Variants in STAG1 observed in about 807,000 individuals in gnomAD.
STAG1 encodes the protein STAG1 cohesin complex component.
STAG1 carries 26 observed loss-of-function variants against 170.9 expected under a neutral mutation model. The observed-to-expected ratio is 0.15, with a 90% CI of 0.11 to 0.21. The LOEUF (loss-of-function observed/expected upper bound fraction) is 0.21. Among genes scored for constraint, STAG1 ranks in the 10% least tolerant of loss-of-function variants. STAG1 has a pLI of 1.00. For missense variants in STAG1, 964 were observed against 1,509.5 expected (o/e 0.64, Z 5.99); for synonymous variants, 514 against 497.7 (o/e 1.03, Z -0.44).
rs147198144 is a variant in STAG1 at position 136,567,968 on chromosome 3, C to T, written c.394+797G>A. On this transcript the variant is annotated intron_variant, in intron 5 of 33. Coordinates refer to ENST00000383202, the MANE Select transcript of STAG1 (RefSeq NM_005862.3). Reference sequence around the variant, plus strand: ...ATTACACATACTTTAACACTTTTTACGGCAGAGACTGCCTTGATAACTTCT... The same window carrying T: ...ATTACACATACTTTAACACTTTTTATGGCAGAGACTGCCTTGATAACTTCT... 1.6e-4 allele frequency among the ~76,000 whole-genome samples: 25 copies of T among 151,926 alleles called. No homozygotes were observed. In the East Asian group the frequency reaches 4.2e-3, roughly 26 times the overall value.
At chr3:136,364,334 C>T (rs1164177171) in intron 25 of STAG1, among the ~76,000 whole-genome samples, 1 of 152,150 alleles carries the variant, frequency 6.6e-6, no homozygotes, top group African/African-American at 2.4e-5. Flanking sequence ...CCACCAGCCT[C>T]AGCCTCCAAA....
intron 7 of STAG1, among the ~76,000 whole-genome samples, chr3:136,507,611 TC>T (rs553850245): frequency 4.6e-4 from 70 of 152,086 alleles, no homozygotes; most frequent in Non-Finnish European, 9.0e-4. Flanking sequence ...CAAGTGATTC[TC>T]CCACGTCAGC....
chr3:136,535,776 T>G (rs1935590957), intron 6 of STAG1, among the ~76,000 whole-genome samples: 1 of 152,206 alleles, frequency 6.6e-6, no homozygotes, highest in South Asian at 2.1e-4. Context: ...ATACCCTGAC[T>G]TGATCATTAC....
intron 12 of STAG1, among the ~76,000 whole-genome samples, chr3:136,465,558 CAAAAAAAAAAAAAAAAA>C (rs11364802): frequency 2.1e-5 from 1 of 48,218 alleles, no homozygotes; most frequent in East Asian, 6.8e-4. Flanking sequence ...ACTCTTGCCT[CAAAAAAAAAAAAAAAAA>C]AAAAAAAAAA....
intron 12 of STAG1, among the ~76,000 whole-genome samples, chr3:136,467,964 G>A (rs1410365835): frequency 6.6e-6 from 1 of 152,240 alleles, no homozygotes; most frequent in South Asian, 2.1e-4. Flanking sequence ...AAACCAATGA[G>A]AACAAAGGCA....
chr3:136,537,505 G>T (rs1459398556), intron 6 of STAG1, among the ~76,000 whole-genome samples: 223 of 131,696 alleles, frequency 1.7e-3, no homozygotes, highest in African/African-American at 3.6e-3. Context: ...TTTTTTTTTT[G>T]TTTTTTTTTT....
chr3:136,728,620 CTAT>C (rs1933824399), intron 1 of STAG1, among the ~76,000 whole-genome samples: 1 of 152,198 alleles, frequency 6.6e-6, no homozygotes, highest in Non-Finnish European at 1.5e-5. Flanking sequence ...ATACTGTTAA[CTAT>C]TATTATATAA....
chr3:136,373,344 T>A (rs643826), intron 23 of STAG1, among the ~76,000 whole-genome samples: 1 of 152,128 alleles, frequency 6.6e-6, no homozygotes, highest in African/African-American at 2.4e-5. Context: ...GTGTCTCTAT[T>A]TCCTTCAGTT....
At chr3:136,509,292 T>C (rs1933932954) in intron 7 of STAG1, among the ~76,000 whole-genome samples, 1 of 152,054 alleles carries the variant, frequency 6.6e-6, no homozygotes, top group Non-Finnish European at 1.5e-5. Context: ...AAATGTAGCT[T>C]TGAGGAGAAA....
intron 21 of STAG1, among the ~76,000 whole-genome samples, chr3:136,405,494 G>T (rs1288665436): frequency 1.3e-5 from 2 of 151,142 alleles, no homozygotes; most frequent in East Asian, 3.9e-4. Context: ...TGCCTGTATC[G>T]ACCTCTCAAA....
chr3:136,704,022 A>T (rs995214221), intron 1 of STAG1, among the ~76,000 whole-genome samples: 1 of 150,612 alleles, frequency 6.6e-6, no homozygotes, highest in African/African-American at 2.5e-5. Context: ...AAAAACTAAC[A>T]AACAAAAAAA....
intron 8 of STAG1, among the ~76,000 whole-genome samples, chr3:136,500,780 G>A (rs546862969): frequency 1.3e-5 from 2 of 152,270 alleles, no homozygotes; most frequent in South Asian, 4.1e-4. Context: ...CCAATAAGAG[G>A]TATAACAGAA....
At chr3:136,574,788 G>C (rs67888773) in intron 4 of STAG1, among the ~76,000 whole-genome samples, 11,926 of 152,192 alleles carry the variant, frequency 0.078, 484 homozygotes, top group Non-Finnish European at 0.094. Context: ...AAATTAATGA[G>C]TGTATAGAAG....
intron 28 of STAG1, among the ~76,000 whole-genome samples, chr3:136,357,013 T>A (rs892899587): frequency 1.3e-5 from 2 of 152,058 alleles, no homozygotes; most frequent in Non-Finnish European, 2.9e-5. Context: ...AGTGGTGCGA[T>A]CTCGGCTCAC....
At chr3:136,656,687 C>T (rs1329122217) in intron 1 of STAG1, among the ~76,000 whole-genome samples, 1 of 146,512 alleles carries the variant, frequency 6.8e-6, no homozygotes, top group African/African-American at 2.7e-5. Context: ...GAATAACCCA[C>T]ATAAAGGAAA....
At chr3:136,628,128 G>T (rs1025153442) in intron 2 of STAG1, among the ~76,000 whole-genome samples, 1 of 152,124 alleles carries the variant, frequency 6.6e-6, no homozygotes, top group Non-Finnish European at 1.5e-5. Flanking sequence ...TGCTGTTGTT[G>T]TGATAGTGAG....
intron 6 of STAG1, among the ~76,000 whole-genome samples, chr3:136,535,768 A>G (rs1935589963): frequency 6.6e-6 from 1 of 152,120 alleles, no homozygotes. Context: ...TACCCCAAAT[A>G]CCCTGACTTG....
chr3:136,340,421 C>G, intron 32 of STAG1, 70 bp downstream of exon 32: 2 of 1,035,508 alleles, frequency 1.9e-6, no homozygotes, highest in Non-Finnish European at 3.0e-6. Flanking sequence ...CATGCCCGGC[C>G]TAAGAGGATC....
At chr3:136,622,252 G>A (rs1939897695) in intron 3 of STAG1, among the ~76,000 whole-genome samples, 1 of 152,014 alleles carries the variant, frequency 6.6e-6, no homozygotes, top group South Asian at 2.1e-4. Flanking sequence ...CCAGGAGGTG[G>A]AGGTTGCAGT....
Sources: gnomAD v4.1 joint callset for allele counts (sites outside exome capture counted in the v4.1 genomes callset) on GRCh38, gnomAD v4.1.1 for gene constraint, MANE v1.5 for transcripts, NCBI Gene and HGNC (gene_info 2026-07-23, HGNC 2026-07-21) for gene names.